Variants in CUX2 observed in about 807,000 individuals in gnomAD.
CUX2 encodes homeobox protein cut-like 2.
In CUX2, 40 loss-of-function variants were observed where a neutral mutation model predicts 144.8. The observed-to-expected ratio is 0.28, with a 90% CI of 0.21 to 0.36. CUX2 has a LOEUF of 0.36. CUX2 is among the 10% of genes least tolerant of loss of function. The pLI is 1.00. For missense variants in CUX2, 1,615 were observed against 1,994.0 expected (o/e 0.81, Z 3.62); for synonymous variants, 827 against 875.6 (o/e 0.94, Z 0.98).
intron 1 of CUX2, among the ~76,000 whole-genome samples, chr12:111,187,724 G>A (rs763179743): frequency 6.6e-6 from 1 of 152,208 alleles, no homozygotes; most frequent in African/African-American, 2.4e-5. Flanking sequence ...CAGAGCTCCA[G>A]CCTGGGGTTT....
intron 1 of CUX2, among the ~76,000 whole-genome samples, chr12:111,166,471 T>C (rs1878151031): frequency 6.6e-6 from 1 of 152,238 alleles, no homozygotes. Context: ...TTATTGAGCA[T>C]GGACTAAGTG....
chr12:111,181,196 CAGG>C (rs1341799192), intron 1 of CUX2, among the ~76,000 whole-genome samples: 1 of 152,228 alleles, frequency 6.6e-6, no homozygotes, highest in Admixed American at 6.5e-5. Context: ...CTGAGGAACA[CAGG>C]AGTTTCATTG....
At chr12:111,162,549 C>T (rs1877845140) in intron 1 of CUX2, among the ~76,000 whole-genome samples, 1 of 152,250 alleles carries the variant, frequency 6.6e-6, no homozygotes, top group Non-Finnish European at 1.5e-5. Context: ...ACTGGGACAG[C>T]TCTCTCCATC....
At chr12:111,049,260 T>G (rs548576349) in intron 1 of CUX2, among the ~76,000 whole-genome samples, 1 of 152,050 alleles carries the variant, frequency 6.6e-6, no homozygotes, top group Admixed American at 6.6e-5. Context: ...CCTCCACCCA[T>G]CCACCCACCC....
At chr12:111,220,553 G>C (rs1881792406) in intron 3 of CUX2, among the ~76,000 whole-genome samples, 1 of 151,730 alleles carries the variant, frequency 6.6e-6, no homozygotes, top group African/African-American at 2.4e-5. Flanking sequence ...TGTGGCCTTG[G>C]GGAAATTCCT....
chr12:111,154,633 C>A (rs1264514166), intron 1 of CUX2, among the ~76,000 whole-genome samples: 1 of 152,126 alleles, frequency 6.6e-6, no homozygotes. Context: ...CGGGGAGATG[C>A]AGTTGATGTT....
chr12:111,072,365 A>G (rs994145663), intron 1 of CUX2, among the ~76,000 whole-genome samples: 2 of 152,206 alleles, frequency 1.3e-5, no homozygotes, highest in East Asian at 1.9e-4. Flanking sequence ...TTATTTATAT[A>G]TAGTATTTAG....
chr12:111,249,445 G>GTTTT (rs58383341), intron 3 of CUX2, among the ~76,000 whole-genome samples: 7 of 63,390 alleles, frequency 1.1e-4, no homozygotes, highest in Middle Eastern at 8.8e-3. Context: ...CCCTTTTTTT[G>GTTTT]TTTTTTTTTT....
chr12:111,047,587 AT>A (rs1870060446), intron 1 of CUX2, among the ~76,000 whole-genome samples: 1 of 152,016 alleles, frequency 6.6e-6, no homozygotes, highest in Non-Finnish European at 1.5e-5. Flanking sequence ...GTGTCACCCT[AT>A]TTTGCAGCTG....
rs188860990 is a variant in CUX2 at position 111,050,223 on chromosome 12, G to A, written c.63+15983G>A. ...CTTCATTTTCCTCCTACCTCTTGCC[G>A]CCACTTCCCTGTTTCTTTTCAGACC... is the stretch of plus-strand genomic sequence containing the variant. On this transcript the variant is annotated intron_variant, in intron 1 of 21. Transcript: ENST00000261726. Among the ~76,000 whole-genome samples, 526 of 146,726 alleles carry A rather than the reference G, an allele frequency of 3.6e-3. 1 individual carries two copies. The highest frequency in any genetic ancestry group is 6.5e-3 in the South Asian group (30 of 4,622).
At chr12:111,070,313 G>A (rs771234665) in intron 1 of CUX2, among the ~76,000 whole-genome samples, 2 of 151,914 alleles carry the variant, frequency 1.3e-5, no homozygotes, top group Non-Finnish European at 2.9e-5. Flanking sequence ...CTATGGGTTT[G>A]TCCTCCCTCT....
chr12:111,137,984 C>T (rs888712011), intron 1 of CUX2, among the ~76,000 whole-genome samples: 1 of 152,224 alleles, frequency 6.6e-6, no homozygotes, highest in East Asian at 1.9e-4. Context: ...GTGTCTTAAC[C>T]TCTCTGGGCA....
intron 7 of CUX2, 106 bp from the exon 8 acceptor site, chr12:111,296,367 A>G: frequency 1.0e-6 from 1 of 953,540 alleles, no homozygotes; most frequent in South Asian, 1.6e-5. Flanking sequence ...CCGAGCTCTC[A>G]TTCTGCCTGC....
At chr12:111,267,064 C>T (rs1413343552) in intron 4 of CUX2, among the ~76,000 whole-genome samples, 1 of 151,856 alleles carries the variant, frequency 6.6e-6, no homozygotes, top group Admixed American at 6.6e-5. Context: ...TGGGCATGGT[C>T]GTGGGCGCCT....
In CUX2 at chr12:111,320,557, G is replaced by A. The variant is rs1887474113; in HGVS notation, c.2548G>A (p.Gly850Ser). The change falls in exon 17 of 22, where the codon GGC becomes AGC. Residue 850 changes from glycine to serine, a missense_variant. Coordinates refer to ENST00000261726, the MANE Select transcript of CUX2 (RefSeq NM_015267.4). The surrounding 1 kb of genome is among the most constrained non-coding windows in gnomAD (Gnocchi z 8.1). ...GGCGGAGGACGAACCCCCCAGGACG[G>A]GCGAGCTCAAGGCTGAGGGCGCGAC... Reference protein sequence around the residue: ...AGAEDEPPRTGELKAEGATAE... With the variant: ...AGAEDEPPRTSELKAEGATAE... 6.5e-7 allele frequency: 1 copy of A among 1,535,580 alleles called. No individual in the cohort carries two copies. Among genetic ancestry groups the A allele is most frequent in the Admixed American group, 2.0e-5 (1 of 50,232 alleles).
At chr12:111,053,712 G>T (rs961509723) in intron 1 of CUX2, among the ~76,000 whole-genome samples, 7 of 152,226 alleles carry the variant, frequency 4.6e-5, no homozygotes, top group African/African-American at 1.7e-4. Flanking sequence ...CCTGGCCTGG[G>T]CTGCTTTCCA....
intron 1 of CUX2, among the ~76,000 whole-genome samples, chr12:111,202,549 T>G (rs566487456): frequency 6.6e-6 from 1 of 152,312 alleles, no homozygotes; most frequent in Admixed American, 6.5e-5. Flanking sequence ...GACCCAGAGT[T>G]AGCCAGTCTT....
intron 1 of CUX2, among the ~76,000 whole-genome samples, chr12:111,210,185 A>G (rs969577203): frequency 8.5e-5 from 13 of 152,220 alleles, no homozygotes; most frequent in African/African-American, 3.1e-4. Context: ...TGTTTGTGAC[A>G]GAATTTTTTT....
intron 1 of CUX2, among the ~76,000 whole-genome samples, chr12:111,141,616 C>T (rs1876323529): frequency 6.6e-6 from 1 of 152,136 alleles, no homozygotes; most frequent in Admixed American, 6.5e-5. Context: ...CCAGGTCACA[C>T]AGCAAGTAAG....
Sources: gnomAD v4.1 joint callset for allele counts (sites outside exome capture counted in the v4.1 genomes callset) on GRCh38, gnomAD v4.1.1 for gene constraint, Gnocchi (gnomAD v3.1) non-coding constraint, MANE v1.5 for transcripts, NCBI Gene and HGNC (gene_info 2026-07-23, HGNC 2026-07-21) for gene names.